DAB1: variants seen among roughly 807,000 people sequenced by gnomAD.
The protein encoded by DAB1 is DAB adaptor protein 1.
DAB1 carries 15 observed loss-of-function variants against 64.6 expected under a neutral mutation model. The ratio of observed to expected loss-of-function variants is 0.23; its 90% CI spans 0.16 to 0.36. DAB1 has a LOEUF of 0.36. DAB1 is among the 10% of genes least tolerant of loss of function. The pLI is 1.00. For synonymous variants in DAB1, 235 were observed against 251.9 expected (o/e 0.93, Z 0.64); for missense variants, 596 against 706.7 (o/e 0.84, Z 1.78).
chr1:57,839,378 C>T (rs761154967), intron 1 of DAB1, among the ~76,000 whole-genome samples: 7 of 152,090 alleles, frequency 4.6e-5, no homozygotes, highest in Non-Finnish European at 1.0e-4. Flanking sequence ...ACATGAAGTG[C>T]CCCAGATCTC....
intron 5 of DAB1, among the ~76,000 whole-genome samples, chr1:57,963,244 T>C (rs1191378438): frequency 6.6e-6 from 1 of 152,218 alleles, no homozygotes; most frequent in African/African-American, 2.4e-5. Context: ...TAACTCACTT[T>C]AGACCATGAC....
intron 3 of DAB1, among the ~76,000 whole-genome samples, chr1:57,140,438 A>C (rs561822430): frequency 2.4e-4 from 37 of 152,272 alleles, no homozygotes; most frequent in African/African-American, 8.9e-4. Context: ...GATCTTTCTG[A>C]TTCTCAAGGT....
intron 3 of DAB1, among the ~76,000 whole-genome samples, chr1:58,398,455 G>A (rs564397098): frequency 1.3e-5 from 2 of 152,230 alleles, no homozygotes; most frequent in Non-Finnish European, 2.9e-5. Flanking sequence ...AAGCCACACA[G>A]TTGTAAGAGG....
At chr1:57,621,541 A>G (rs1284190235) in intron 7 of DAB1, among the ~76,000 whole-genome samples, 1 of 151,816 alleles carries the variant, frequency 6.6e-6, no homozygotes, top group African/African-American at 2.4e-5. Context: ...GGTTGTCCCT[A>G]AGAGGGTTTA....
At chr1:57,365,069 T>TTA (rs1447303288) in intron 1 of DAB1, among the ~76,000 whole-genome samples, 17 of 144,106 alleles carry the variant, frequency 1.2e-4, no homozygotes, top group South Asian at 4.3e-4. Flanking sequence ...ATCATAGACT[T>TTA]TATATATATA....
chr1:57,381,809 T>A (rs1461350935), intron 1 of DAB1, among the ~76,000 whole-genome samples: 1 of 152,170 alleles, frequency 6.6e-6, no homozygotes. Context: ...AATTGGGCAT[T>A]GGTTTCGACA....
intron 4 of DAB1, among the ~76,000 whole-genome samples, chr1:58,186,839 CA>C (rs1475893350): frequency 1.3e-5 from 2 of 152,150 alleles, no homozygotes; most frequent in Admixed American, 1.3e-4. Flanking sequence ...CATGCTGGAC[CA>C]AGTTTGCTTT....
chr1:58,112,272 T>C (rs1473239821), intron 5 of DAB1, among the ~76,000 whole-genome samples: 1 of 152,230 alleles, frequency 6.6e-6, no homozygotes, highest in East Asian at 1.9e-4. Context: ...GCCTCCCTCC[T>C]GTTCTGAAGA....
intron 5 of DAB1, among the ~76,000 whole-genome samples, chr1:57,991,932 T>A (rs17434789): frequency 6.8e-6 from 1 of 147,772 alleles, no homozygotes; most frequent in African/African-American, 2.5e-5. Flanking sequence ...GATGCCCGAG[T>A]TGAGAAGGTC....
chr1:57,018,653 G>T (rs1225467344), intron 11 of DAB1, among the ~76,000 whole-genome samples: 2 of 152,112 alleles, frequency 1.3e-5, no homozygotes, highest in Non-Finnish European at 2.9e-5. Context: ...GTGAATGAGT[G>T]GATGTTTTCA....
At chr1:58,348,714 T>C (rs2100512785) in intron 3 of DAB1, among the ~76,000 whole-genome samples, 1 of 152,302 alleles carries the variant, frequency 6.6e-6, no homozygotes, top group East Asian at 1.9e-4. Context: ...TATACTGACT[T>C]TTACTTCACC....
chr1:57,686,320 A>G (rs1306483817), intron 6 of DAB1, among the ~76,000 whole-genome samples: 1 of 152,188 alleles, frequency 6.6e-6, no homozygotes, highest in Admixed American at 6.5e-5. Flanking sequence ...AATTCCTAGA[A>G]ACACACAACC....
rs1189372638 is a variant in DAB1 at position 58,311,909 on chromosome 1, T to TTTATAGATAAAGAAA, written n.309+31428_309+31442dup. ...GGTGGGATGCTCTTATTACACCCAT[T>TTTATAGATAAAGAAA]TTATAGATAAAGAAATTGAAACACA... On this transcript the variant is annotated intron_variant and non_coding_transcript_variant, in intron 4 of 20. Transcript: ENST00000485760. 2.6e-5 allele frequency among the ~76,000 whole-genome samples: 4 copies of TTTATAGATAAAGAAA among 152,076 alleles called. No individual in the cohort carries two copies. In the East Asian group the frequency reaches 7.7e-4, roughly 29 times the overall value.
At chr1:57,779,774 CTTAGTGA>C (rs994234175) in intron 6 of DAB1, among the ~76,000 whole-genome samples, 3 of 152,080 alleles carry the variant, frequency 2.0e-5, no homozygotes, top group Non-Finnish European at 4.4e-5. Flanking sequence ...TAGAAAAATC[CTTAGTGA>C]GCTGAAAACT....
chr1:57,617,377 G>C (rs1368437341), intron 7 of DAB1, among the ~76,000 whole-genome samples: 1 of 151,920 alleles, frequency 6.6e-6, no homozygotes, highest in African/African-American at 2.4e-5. Context: ...TTTCTACTCT[G>C]CCTTCAGCCT....
At chr1:57,945,970 C>T (rs1645178467) in intron 5 of DAB1, among the ~76,000 whole-genome samples, 1 of 152,128 alleles carries the variant, frequency 6.6e-6, no homozygotes, top group South Asian at 2.1e-4. Context: ...TACTGGATTA[C>T]ATTCTATCAT....
intron 2 of DAB1, among the ~76,000 whole-genome samples, chr1:57,243,435 TCTC>T: frequency 6.6e-6 from 1 of 152,186 alleles, no homozygotes; most frequent in East Asian, 1.9e-4. Context: ...TCATTTATCT[TCTC>T]CTGACTAAGC....
chr1:57,598,274 G>A (rs549545033), intron 7 of DAB1, among the ~76,000 whole-genome samples: 40 of 152,296 alleles, frequency 2.6e-4, no homozygotes, highest in African/African-American at 5.5e-4. Flanking sequence ...GAGCCACGGC[G>A]CCCAGCCGGT....
At chr1:57,101,905 G>A (rs1312633860) in intron 4 of DAB1, among the ~76,000 whole-genome samples, 2 of 152,206 alleles carry the variant, frequency 1.3e-5, no homozygotes, top group African/African-American at 2.4e-5. Context: ...TGAGGACACT[G>A]AGGCATAGAG....
Sources: allele counts gnomAD v4.1 joint callset (sites outside exome capture counted in the v4.1 genomes callset), GRCh38; gene constraint gnomAD v4.1.1; transcripts MANE v1.5; gene names NCBI Gene and HGNC (gene_info 2026-07-23, HGNC 2026-07-21).